CMTM2: variants seen among roughly 807,000 people sequenced by gnomAD.
The protein encoded by CMTM2 is CKLF like MARVEL transmembrane domain containing 2, also known as CKLF-like MARVEL transmembrane domain-containing protein 2.
Under a neutral mutation model 16.8 loss-of-function variants are expected in CMTM2, and 15 were observed. The observed-to-expected ratio is 0.89, with a 90% CI of 0.60 to 1.37. The LOEUF (loss-of-function observed/expected upper bound fraction) is 1.37, where lower values mean the gene tolerates loss of function less well. Ranked by LOEUF, CMTM2 falls within the 40% of genes most tolerant of loss-of-function variation. The pLI is 0.00. For synonymous variants in CMTM2, 117 were observed against 118.7 expected, an observed-to-expected ratio of 0.99 and a Z score of 0.09; for missense variants, 282 against 318.0, an observed-to-expected ratio of 0.89 and a Z score of 0.86.
chr16:66,582,452 G>A (rs2014746444), intron 2 of CMTM2, among the ~76,000 whole-genome samples: 1 of 152,236 alleles, frequency 6.6e-6, no homozygotes, highest in Admixed American at 6.5e-5. Context: ...TGTAATCCCA[G>A]CACGTTGGGA....
intron 2 of CMTM2, chr16:66,580,773 G>C (rs1457484454): frequency 1.3e-5 from 2 of 153,040 alleles, no homozygotes; most frequent in Non-Finnish European, 2.9e-5. Flanking sequence ...TTCCTCATCT[G>C]TAACATGAGA....
Position 66,579,504 on chromosome 16 carries a change from C to A in CMTM2, c.-104C>A. ...AGTTAGCTGAGCACGCCCTCTGAGC[C>A]GCTCGGTGGACACCAGGCACTCTAG... is the stretch of plus-strand genomic sequence containing the variant. On this transcript the variant is annotated 5_prime_UTR_variant, in exon 1 of 4. Transcript: ENST00000268595. The surrounding 1 kb of genome is among the most constrained non-coding windows in gnomAD (Gnocchi z 6.5). The A allele has an allele frequency of 7.0e-7, 1 of 1,433,040 alleles. No individual in the cohort carries two copies. Among genetic ancestry groups the A allele is most frequent in the Non-Finnish European group, 9.5e-7 (1 of 1,055,462 alleles). The allele number at this position is 1,433,040 out of a possible 1,614,324, so 88.8% of individuals were successfully genotyped here. A position where few individuals can be genotyped will look rare whatever the true frequency, so the allele number is the denominator to read the frequency against.
At chr16:66,584,467 C>T (rs572350309) in intron 2 of CMTM2, among the ~76,000 whole-genome samples, 2 of 152,326 alleles carry the variant, frequency 1.3e-5, no homozygotes, top group Non-Finnish European at 2.9e-5. Flanking sequence ...CAGCCATCTG[C>T]AAGCCAGGAA....
intron 2 of CMTM2, among the ~76,000 whole-genome samples, chr16:66,586,392 C>CT (rs2014792853): frequency 6.6e-6 from 1 of 152,092 alleles, no homozygotes; most frequent in African/African-American, 2.4e-5. Flanking sequence ...AATCGTAGCA[C>CT]TTTGGGAGGC....
chr16:66,581,994 A>C (rs1279006021), intron 2 of CMTM2, among the ~76,000 whole-genome samples: 2 of 152,098 alleles, frequency 1.3e-5, no homozygotes, highest in Non-Finnish European at 2.9e-5. Flanking sequence ...TGGGGGGAAA[A>C]CCTTGTCAAA....
chr16:66,586,363 C>A (rs1376436969), intron 2 of CMTM2, among the ~76,000 whole-genome samples: 1 of 152,052 alleles, frequency 6.6e-6, no homozygotes, highest in Non-Finnish European at 1.5e-5. Context: ...ATTGGCTGGG[C>A]GCTGTGGCCC....
intron 2 of CMTM2, chr16:66,580,775 A>T (rs988266357): frequency 1.3e-4 from 20 of 153,042 alleles, no homozygotes; most frequent in African/African-American, 4.8e-4. Context: ...CCTCATCTGT[A>T]ACATGAGACA....
Position 66,579,951 on chromosome 16 carries a change from A to G in CMTM2, c.285+59A>G. On this transcript the variant is annotated intron_variant, in intron 1 of 3. Transcript: ENST00000268595. This position sits in a 1 kb window ranked among gnomAD's most constrained non-coding sequence, Gnocchi z 6.5. Reference sequence around the variant, plus strand: ...TTGGCCGAGGGTGGGGGGAAGGAGGAGTAGGCTCCAGGGGTCCTCAGAGAG... The same window carrying G: ...TTGGCCGAGGGTGGGGGGAAGGAGGGGTAGGCTCCAGGGGTCCTCAGAGAG... 1 of 1,609,750 alleles carries G rather than the reference A, an allele frequency of 6.2e-7. No homozygotes were observed. Among genetic ancestry groups the G allele is most frequent in the South Asian group, 1.1e-5 (1 of 90,508 alleles).
Position 66,587,959 on chromosome 16 carries a change from T to C in CMTM2, c.587T>C (p.Val196Ala). ...GCTGGAGTTTTTGCTTTTATCGATG[T>C]GTGTCTTCAAAGAAACCACTTCAGA... The part of the protein sequence containing the change: ...GAAGVFAFID[V>A]CLQRNHFRGK... Residue 196 changes from valine to alanine, a missense_variant, in exon 4 of 4, where the codon GTG (valine) becomes GCG (alanine). Physicochemically the swap from Val to Ala is moderately conservative, Grantham distance 64 (BLOSUM62 0). Transcript: ENST00000268595. 4 of 1,614,206 alleles carry C rather than the reference T, an allele frequency of 2.5e-6. No homozygotes were observed. The highest frequency in any genetic ancestry group is 3.4e-6 in the Non-Finnish European group (4 of 1,180,040).
chr16:66,583,605 C>T (rs1461788634), intron 2 of CMTM2, among the ~76,000 whole-genome samples: 1 of 152,092 alleles, frequency 6.6e-6, no homozygotes. Context: ...GATTATAAGA[C>T]TTTAGTAATG....
At chr16:66,582,182 A>G (rs370193749) in intron 2 of CMTM2, among the ~76,000 whole-genome samples, 2 of 152,372 alleles carry the variant, frequency 1.3e-5, no homozygotes, top group East Asian at 3.9e-4. Context: ...GAAAAGAGTA[A>G]GACACTATGA....
intron 2 of CMTM2, among the ~76,000 whole-genome samples, chr16:66,586,418 G>A (rs1183794294): frequency 4.6e-5 from 7 of 152,040 alleles, no homozygotes; most frequent in Non-Finnish European, 7.4e-5. Flanking sequence ...AAGGCAGATC[G>A]CTTGAGTCCA....
Position 66,580,129 on chromosome 16 carries a change from T to G in CMTM2, c.389T>G (p.Leu130Ter). The change falls in exon 2 of 4, where the codon TTA becomes TGA. Residue 130 changes from leucine to a stop codon, truncating the protein, a stop_gained. Transcript: ENST00000268595. LOFTEE classifies it high-confidence loss of function. ...ATATCCTTCTTCAGCTTCTTCATCT[T>G]ACTGTACAGCTTTGCCATTCATAGA... Reference protein sequence around the residue: ...MEISFFSFFILLYSFAIHRYI... With the variant: ...MEISFFSFFI 1 of 1,614,232 alleles carries G rather than the reference T, an allele frequency of 6.2e-7. No individual in the cohort carries two copies. Among genetic ancestry groups the G allele is most frequent in the Non-Finnish European group, 8.5e-7 (1 of 1,180,030 alleles).
chr16:66,580,288 T>G, intron 2 of CMTM2, 104 bp downstream of exon 2: 1 of 1,280,120 alleles, frequency 7.8e-7, no homozygotes, highest in South Asian at 1.3e-5. Flanking sequence ...ACCTCCCATA[T>G]CTGTGCCTGG....
In CMTM2 at chr16:66,588,177, A is replaced by ACTC; in HGVS notation, c.*59_*61dup. ...GTGTATTTTACAGCAATATGTTTCC[A>ACTC]CTCTCTTCCTTGTCTTCTTTCTGGA... On this transcript the variant is annotated 3_prime_UTR_variant, in exon 4 of 4. Coordinates refer to ENST00000268595, the MANE Select transcript of CMTM2 (RefSeq NM_144673.3). The ACTC allele has an allele frequency of 2.7e-6, 4 of 1,467,568 alleles. No individual in the cohort carries two copies. The highest frequency in any genetic ancestry group is 3.8e-6 in the Non-Finnish European group (4 of 1,059,750). The allele number at this position is 1,467,568 out of a possible 1,614,324, so 90.9% of individuals were successfully genotyped here. A position where few individuals can be genotyped will look rare whatever the true frequency, so the allele number is the denominator to read the frequency against.
At position 66,586,487 on chromosome 16, in the gene CMTM2, C is replaced by CA. The variant is rs376120276; in HGVS notation, c.445-500dup. Among the ~76,000 whole-genome samples, 1,178 of 148,274 alleles carry CA rather than the reference C, an allele frequency of 7.9e-3. 19 individuals carry two copies. The highest frequency in any genetic ancestry group is 0.028 in the African/African-American group (1,124 of 40,536). ...ACCCCGTCTCTACTAAAAATACACACAAAAAAAAAATTAGGCAGGCTTGGT... is the reference window on the plus strand; with the variant it reads ...ACCCCGTCTCTACTAAAAATACACACAAAAAAAAAAATTAGGCAGGCTTGGT... On this transcript the variant is annotated intron_variant, in intron 2 of 3. Transcript: ENST00000268595.
At chr16:66,581,069 C>G (rs970936261) in intron 2 of CMTM2, among the ~76,000 whole-genome samples, 1 of 152,098 alleles carries the variant, frequency 6.6e-6, no homozygotes, top group Non-Finnish European at 1.5e-5. Context: ...CCAGGTCACT[C>G]AGCTGGTAAG....
intron 2 of CMTM2, among the ~76,000 whole-genome samples, chr16:66,582,189 A>G (rs985500201): frequency 6.6e-6 from 1 of 152,248 alleles, no homozygotes; most frequent in African/African-American, 2.4e-5. Flanking sequence ...GTAAGACACT[A>G]TGAGGACAAA....
intron 2 of CMTM2, among the ~76,000 whole-genome samples, chr16:66,585,452 T>C (rs1037960750): frequency 6.6e-6 from 1 of 152,106 alleles, no homozygotes; most frequent in Non-Finnish European, 1.5e-5. Flanking sequence ...ATCTCAAAAG[T>C]CAAAAAGCAA....
Sources: allele counts gnomAD v4.1 joint callset (sites outside exome capture counted in the v4.1 genomes callset), GRCh38; gene constraint gnomAD v4.1.1; non-coding constraint Gnocchi (gnomAD v3.1); transcripts MANE v1.5; gene names NCBI Gene and HGNC (gene_info 2026-07-23, HGNC 2026-07-21).